The following RALGPS1 variants were observed in gnomAD, a reference collection of about 807,000 sequenced individuals.
RALGPS1 encodes the protein ras-specific guanine nucleotide-releasing factor RalGPS1.
A neutral mutation model predicts 78.8 loss-of-function variants in RALGPS1; 19 were observed. The observed-to-expected ratio is 0.24, with a 90% CI of 0.17 to 0.35. The LOEUF (loss-of-function observed/expected upper bound fraction) is 0.35, where lower values mean the gene tolerates loss of function less well. Ranked by LOEUF, RALGPS1 falls within the 10% of genes least tolerant of loss-of-function variation. The pLI is 1.00. For missense variants in RALGPS1, 454 were observed against 688.3 expected (o/e 0.66, Z 3.81); for synonymous variants, 228 against 256.3 (o/e 0.89, Z 1.06).
chr9:126,990,352 C>T, intron 4 of RALGPS1: 1 of 215,932 alleles, frequency 4.6e-6, no homozygotes, highest in Non-Finnish European at 9.2e-6. Flanking sequence ...ATCCCCCAGC[C>T]TCCTCTTTGG....
intron 1 of RALGPS1, among the ~76,000 whole-genome samples, chr9:126,917,650 AGACG>A (rs1468933457): frequency 6.6e-6 from 1 of 152,202 alleles, no homozygotes; most frequent in Non-Finnish European, 1.5e-5. Flanking sequence ...AGAATAAATG[AGACG>A]GGAGGGGAGA....
chr9:127,070,463 C>T (rs886937342), intron 8 of RALGPS1, among the ~76,000 whole-genome samples: 1 of 152,154 alleles, frequency 6.6e-6, no homozygotes, highest in African/African-American at 2.4e-5. Context: ...TATGCAAAAA[C>T]GTATGCCTTT....
At chr9:126,999,463 C>G (rs1481126222) in intron 4 of RALGPS1, among the ~76,000 whole-genome samples, 1 of 152,182 alleles carries the variant, frequency 6.6e-6, no homozygotes, top group Non-Finnish European at 1.5e-5. Context: ...TTCTAAAATC[C>G]TCTGTGCCCC....
chr9:127,180,381 G>A (rs1189547507), intron 11 of RALGPS1, among the ~76,000 whole-genome samples: 1 of 152,240 alleles, frequency 6.6e-6, no homozygotes, highest in African/African-American at 2.4e-5. Context: ...TGACACACCT[G>A]CGTGTCTCCC....
chr9:126,932,587 C>T (rs2035889623), intron 1 of RALGPS1, among the ~76,000 whole-genome samples: 1 of 152,030 alleles, frequency 6.6e-6, no homozygotes, highest in Non-Finnish European at 1.5e-5. Context: ...TGTACAAGCC[C>T]ATTAAAACAA....
At chr9:127,045,300 G>A (rs2047656106) in intron 5 of RALGPS1, among the ~76,000 whole-genome samples, 1 of 152,206 alleles carries the variant, frequency 6.6e-6, no homozygotes, top group Admixed American at 6.5e-5. Flanking sequence ...TATTATAAAT[G>A]TATGAACAAC....
At chr9:126,989,853 G>A in intron 4 of RALGPS1, 1 of 1,548,188 alleles carries the variant, frequency 6.5e-7, no homozygotes. Flanking sequence ...CCTTGAGCTT[G>A]ACTTGACCAG....
At chr9:127,180,137 T>C (rs1435151469) in intron 11 of RALGPS1, among the ~76,000 whole-genome samples, 1 of 152,246 alleles carries the variant, frequency 6.6e-6, no homozygotes, top group Non-Finnish European at 1.5e-5. Context: ...AATGAACTAA[T>C]ATTTTCCTGG....
rs2034903565 is a variant in RALGPS1 at position 126,922,850 on chromosome 9, T to C, written c.-66+7875T>C. ...AATGGTCTGAGCATGCCATTCCCTT[T>C]GCTTAAAAGCCTCCAGTGGCTTCTA... On this transcript the variant is annotated intron_variant, in intron 1 of 18. Transcript: ENST00000259351. Among the ~76,000 whole-genome samples the C allele has an allele frequency of 2.0e-5, 3 of 152,238 alleles. No individual in the cohort carries two copies. In the South Asian group the frequency reaches 6.2e-4, roughly 32 times the overall value.
intron 8 of RALGPS1, among the ~76,000 whole-genome samples, chr9:127,105,908 A>G (rs1288980101): frequency 6.6e-6 from 1 of 152,222 alleles, no homozygotes; most frequent in African/African-American, 2.4e-5. Context: ...GCTTTACTAC[A>G]TGACATAATG....
intron 4 of RALGPS1, among the ~76,000 whole-genome samples, chr9:126,993,644 T>C (rs1329343671): frequency 6.6e-6 from 1 of 151,778 alleles, no homozygotes; most frequent in Admixed American, 6.6e-5. Flanking sequence ...AGAAGATGGG[T>C]GATTTCTGCA....
chr9:126,988,331 T>A (rs1564369717), intron 4 of RALGPS1, among the ~76,000 whole-genome samples: 1 of 152,102 alleles, frequency 6.6e-6, no homozygotes, highest in Non-Finnish European at 1.5e-5. Context: ...CAGTGAGGCT[T>A]GGAAGGGAGG....
rs186225438 is a variant in RALGPS1, at chr9:127,158,672, C to A, written c.611-7397C>A. On this transcript the variant is annotated intron_variant, in intron 8 of 18. Coordinates refer to ENST00000259351, the MANE Select transcript of RALGPS1 (RefSeq NM_014636.3). The stretch of plus-strand genomic sequence containing the variant: ...GCTTTTATATTTTAAATTGTTTTCT[C>A]GTTTCTTTTTTTTCTAGTTCTATAT... Among the ~76,000 whole-genome samples the A allele has an allele frequency of 4.7e-5, 7 of 148,826 alleles. No homozygotes were observed. The East Asian group carries it at 1.2e-3, about 25-fold the overall frequency.
intron 4 of RALGPS1, among the ~76,000 whole-genome samples, chr9:127,012,238 C>T (rs1282575997): frequency 6.6e-6 from 1 of 152,092 alleles, no homozygotes; most frequent in Non-Finnish European, 1.5e-5. Flanking sequence ...AAGTAGTCAT[C>T]TCATGTTTGT....
chr9:127,057,887 G>A (rs982867976), intron 7 of RALGPS1, among the ~76,000 whole-genome samples: 2 of 152,226 alleles, frequency 1.3e-5, no homozygotes, highest in Non-Finnish European at 2.9e-5. Flanking sequence ...TACATGAAGT[G>A]ATCAGCAAAG....
intron 8 of RALGPS1, among the ~76,000 whole-genome samples, chr9:127,149,375 T>C (rs1340074031): frequency 2.6e-5 from 4 of 152,206 alleles, no homozygotes; most frequent in Non-Finnish European, 5.9e-5. Flanking sequence ...ACCAGGATCT[T>C]ACTAAAGGAA....
chr9:127,146,783 A>G (rs918390844), intron 8 of RALGPS1, among the ~76,000 whole-genome samples: 2 of 152,100 alleles, frequency 1.3e-5, no homozygotes, highest in African/African-American at 4.8e-5. Flanking sequence ...ATCTCAAGTG[A>G]TCCTCCTGCC....
chr9:126,962,411 A>G, intron 2 of RALGPS1, 65 bp downstream of exon 2: 1 of 1,546,916 alleles, frequency 6.5e-7, no homozygotes, highest in Non-Finnish European at 8.9e-7. Context: ...CCCAGGCCCC[A>G]GCTGAGCCTT....
chr9:126,977,613 G>A, intron 3 of RALGPS1, 82 bp from the exon 4 acceptor site: 2 of 907,554 alleles, frequency 2.2e-6, no homozygotes, highest in South Asian at 3.7e-5. Context: ...ACTTTTATGA[G>A]TGTATATGAC....
Sources: gnomAD v4.1 joint callset for allele counts (sites outside exome capture counted in the v4.1 genomes callset) on GRCh38, gnomAD v4.1.1 for gene constraint, MANE v1.5 for transcripts, NCBI Gene and HGNC (gene_info 2026-07-23, HGNC 2026-07-21) for gene names.